DST: variants seen among roughly 807,000 people sequenced by gnomAD.
DST encodes bullous pemphigoid antigen.
Under a neutral mutation model 875.2 loss-of-function variants are expected in DST, and 253 were observed. The ratio of observed to expected loss-of-function variants is 0.29; its 90% CI spans 0.26 to 0.32. DST has a LOEUF of 0.32. Among genes scored for constraint, DST ranks in the 10% least tolerant of loss-of-function variants. The probability of loss-of-function intolerance (pLI) is 1.00; values close to 1 mark genes in which losing one functional copy is unlikely to be tolerated. For synonymous variants in DST, 3,124 were observed against 3,197.1 expected, an observed-to-expected ratio of 0.98 and a Z score of 0.77; for missense variants, 8,287 against 9,111.6, an observed-to-expected ratio of 0.91 and a Z score of 3.68.
At chr6:56,785,358 C>G (rs982752130) in intron 4 of DST, among the ~76,000 whole-genome samples, 4 of 152,232 alleles carry the variant, frequency 2.6e-5, no homozygotes, top group Non-Finnish European at 4.4e-5. Flanking sequence ...CTGTGGTGGG[C>G]TCCACCCAGT....
At chr6:56,870,074 C>T (rs1776279122) in intron 3 of DST, among the ~76,000 whole-genome samples, 1 of 151,968 alleles carries the variant, frequency 6.6e-6, no homozygotes, top group East Asian at 1.9e-4. Flanking sequence ...TCTAAAATTA[C>T]CACAGATAAA....
intron 4 of DST, among the ~76,000 whole-genome samples, chr6:56,777,325 G>A (rs1427581645): frequency 6.6e-6 from 1 of 151,978 alleles, no homozygotes; most frequent in Non-Finnish European, 1.5e-5. Context: ...AAGGCAAAAG[G>A]AGCAAAATAT....
chr6:56,626,409 A>G (rs192019042), intron 34 of DST, among the ~76,000 whole-genome samples: 175 of 152,280 alleles, frequency 1.1e-3, no homozygotes, highest in African/African-American at 4.0e-3. Context: ...ATACACAAAT[A>G]GATACCATTA....
chr6:56,903,436 AT>A (rs1795015919), intron 2 of DST, among the ~76,000 whole-genome samples: 1 of 152,182 alleles, frequency 6.6e-6, no homozygotes, highest in South Asian at 2.1e-4. Flanking sequence ...GCCCAGTAAG[AT>A]ATTCAATGCA....
chr6:56,830,573 G>A (rs1353980135), intron 4 of DST, among the ~76,000 whole-genome samples: 1 of 152,074 alleles, frequency 6.6e-6, no homozygotes, highest in Non-Finnish European at 1.5e-5. Context: ...TAGTCAACAG[G>A]ATAGTTTTTC....
intron 94 of DST, 109 bp downstream of exon 94, chr6:56,471,950 T>C: frequency 9.2e-7 from 1 of 1,087,622 alleles, no homozygotes; most frequent in Non-Finnish European, 1.4e-6. Context: ...TAGCAAGAGT[T>C]TGCTTATTAT....
rs541536007 is a variant in DST at position 56,748,414 on chromosome 6, T to A, written c.626-13125A>T. On this transcript the variant is annotated intron_variant, in intron 4 of 103. Transcript: ENST00000680361. Reference sequence around the variant, plus strand: ...GCTTGGGAAAATGATTTAACTTCTGTGCAACTCAAGTTTTCTCATCTATAA... The same window carrying A: ...GCTTGGGAAAATGATTTAACTTCTGAGCAACTCAAGTTTTCTCATCTATAA... Among the ~76,000 whole-genome samples, 4 of 152,296 alleles carry A rather than the reference T, an allele frequency of 2.6e-5. No homozygotes were observed. The South Asian group carries it at 8.3e-4, about 32-fold the overall frequency.
chr6:56,470,067 T>C, intron 96 of DST, 61 bp downstream of exon 96: 2 of 1,603,948 alleles, frequency 1.2e-6, no homozygotes, highest in Non-Finnish European at 1.7e-6. Context: ...GTATGAATTG[T>C]GCATGATATC....
At chr6:56,613,034 T>A (rs934409370) in intron 37 of DST, among the ~76,000 whole-genome samples, 9 of 151,638 alleles carry the variant, frequency 5.9e-5, no homozygotes, top group Non-Finnish European at 7.4e-5. Context: ...GTCTCAAAAA[T>A]ATATATATAT....
At chr6:56,834,008 A>C (rs2099790539) in intron 4 of DST, among the ~76,000 whole-genome samples, 1 of 152,116 alleles carries the variant, frequency 6.6e-6, no homozygotes, top group Non-Finnish European at 1.5e-5. Flanking sequence ...CAGGAGGATC[A>C]CTAGAGCCCA....
At chr6:56,667,844 CAT>C (rs1554596720) in intron 10 of DST, among the ~76,000 whole-genome samples, 1 of 151,688 alleles carries the variant, frequency 6.6e-6, no homozygotes, top group Non-Finnish European at 1.5e-5. Flanking sequence ...CACACACACA[CAT>C]ACACCAATTT....
At chr6:56,870,650 CT>C (rs767470111) in intron 3 of DST, among the ~76,000 whole-genome samples, 3 of 151,940 alleles carry the variant, frequency 2.0e-5, no homozygotes, top group Non-Finnish European at 4.4e-5. Context: ...GTAATCCCAG[CT>C]ACTCGGGAGG....
chr6:56,662,302 C>A (rs1225642481), intron 10 of DST, among the ~76,000 whole-genome samples: 1 of 152,168 alleles, frequency 6.6e-6, no homozygotes. Context: ...AGGACCTTAT[C>A]CTATGGATAT....
At chr6:56,589,389 T>G (rs1468418088) in intron 49 of DST, among the ~76,000 whole-genome samples, 1 of 152,122 alleles carries the variant, frequency 6.6e-6, no homozygotes, top group Non-Finnish European at 1.5e-5. Context: ...ATAGTGCTAT[T>G]TTGGAAAAAA....
At chr6:56,697,736 A>T (rs1448611157) in intron 9 of DST, among the ~76,000 whole-genome samples, 1 of 152,222 alleles carries the variant, frequency 6.6e-6, no homozygotes, top group Non-Finnish European at 1.5e-5. Flanking sequence ...CCAGCTGGTG[A>T]TGAAGTGATT....
At chr6:56,556,476 T>A (rs1213650196) in intron 59 of DST, among the ~76,000 whole-genome samples, 1 of 152,216 alleles carries the variant, frequency 6.6e-6, no homozygotes, top group African/African-American at 2.4e-5. Context: ...TTTATTTATC[T>A]ATCTATCTCT....
intron 4 of DST, among the ~76,000 whole-genome samples, chr6:56,772,636 T>TA (rs1190908909): frequency 3.1e-4 from 47 of 152,292 alleles, no homozygotes; most frequent in Middle Eastern, 3.4e-3. Flanking sequence ...CAGGGTCAAT[T>TA]AGTGGAGCAG....
chr6:56,501,222 C>T lies in DST; in HGVS notation c.19754G>A (p.Gly6585Asp), dbSNP rs1469604694. The T allele has an allele frequency of 6.3e-7, 1 of 1,593,566 alleles. No homozygotes were observed. The highest frequency in any genetic ancestry group is 8.5e-7 in the Non-Finnish European group (1 of 1,173,902). Residue 6585 changes from glycine to aspartate, a missense_variant, in exon 80 of 104, where the codon GGT (glycine) becomes GAT (aspartate). Gly to Asp is a moderately conservative substitution (Grantham distance 94, BLOSUM62 -1). Around this residue, in one of 10 missense-constraint regions of DST, gnomAD observed 1,292 missense variants for 1,552.7 expected, o/e 0.83. Coordinates refer to ENST00000680361, the MANE Select transcript of DST (RefSeq NM_001374736.1). ...RIINRQHKLE[G>D]ALLALGQFQH... Reference sequence around the variant, plus strand: ...GAACTGACCCAAGGCTAATAGAGCACCCTCCAGTTTATGCTACAGAAAAAG... The same window carrying T: ...GAACTGACCCAAGGCTAATAGAGCATCCTCCAGTTTATGCTACAGAAAAAG...
intron 3 of DST, among the ~76,000 whole-genome samples, chr6:56,880,702 G>GAAAAAAAA (rs1278713001): frequency 1.1e-5 from 1 of 89,746 alleles, no homozygotes; most frequent in African/African-American, 3.8e-5. Flanking sequence ...AAAGAAAAAA[G>GAAAAAAAA]AAAAAAAAAA....
Sources: allele counts gnomAD v4.1 joint callset (sites outside exome capture counted in the v4.1 genomes callset), GRCh38; gene constraint gnomAD v4.1.1; regional missense constraint gnomAD v4.1.1; transcripts MANE v1.5; gene names NCBI Gene and HGNC (gene_info 2026-07-23, HGNC 2026-07-21).